CDC14B: variants seen among roughly 807,000 people sequenced by gnomAD.
The protein encoded by CDC14B is dual specificity protein phosphatase CDC14B.
A neutral mutation model predicts 64.2 loss-of-function variants in CDC14B; 22 were observed. That is an observed-to-expected ratio of 0.34 (90% CI 0.24 to 0.49). CDC14B has a LOEUF of 0.49. CDC14B is among the 20% of genes least tolerant of loss of function. The pLI, the probability that CDC14B is intolerant of heterozygous loss-of-function variation, is 0.99. For missense variants in CDC14B, 498 were observed against 629.9 expected (o/e 0.79, Z 2.24); for synonymous variants, 191 against 215.8 (o/e 0.89, Z 1.01).
intron 11 of CDC14B, 128 bp from the exon 12 acceptor site, chr9:96,522,731 C>A: frequency 1.5e-6 from 1 of 651,062 alleles, no homozygotes. Context: ...TTTTCCCTTT[C>A]ACAATCAAGC....
At position 96,541,908 on chromosome 9, in the gene CDC14B, A is replaced by G; in HGVS notation, c.498-16T>C. On this transcript the variant is annotated splice_polypyrimidine_tract_variant and intron_variant, in intron 5 of 13. Transcript: ENST00000375241. ...GGCAGCATCTCTGAAACCCAAGAGT[A>G]ATAAAATGTAGATCAGTTAATTTTC... 2 of 1,585,914 alleles carry G rather than the reference A, an allele frequency of 1.3e-6. No homozygotes were observed. The highest frequency in any genetic ancestry group is 1.7e-6 in the Non-Finnish European group (2 of 1,157,934).
intron 13 of CDC14B, among the ~76,000 whole-genome samples, chr9:96,494,396 A>G (rs1352359099): frequency 6.6e-6 from 1 of 152,216 alleles, no homozygotes; most frequent in African/African-American, 2.4e-5. Flanking sequence ...GGTACTGCAC[A>G]CTGCAGCAGT....
chr9:96,563,496 C>T (rs529363406), intron 3 of CDC14B, among the ~76,000 whole-genome samples: 1 of 151,844 alleles, frequency 6.6e-6, no homozygotes, highest in South Asian at 2.1e-4. Flanking sequence ...ACTAAAAATA[C>T]AAAACTAGCT....
At chr9:96,603,581 A>G (rs1242489255) in intron 1 of CDC14B, among the ~76,000 whole-genome samples, 2 of 152,244 alleles carry the variant, frequency 1.3e-5, no homozygotes, top group East Asian at 3.8e-4. Flanking sequence ...GCCCACTGAC[A>G]TTCGAGAAAC....
At chr9:96,506,592 G>C (rs1055528331) in intron 13 of CDC14B, among the ~76,000 whole-genome samples, 11 of 152,210 alleles carry the variant, frequency 7.2e-5, no homozygotes, top group African/African-American at 2.4e-4. Context: ...CATCATCTCT[G>C]AAAGTCCATT....
At chr9:96,569,822 C>A (rs1005713946) in intron 1 of CDC14B, among the ~76,000 whole-genome samples, 4 of 152,138 alleles carry the variant, frequency 2.6e-5, no homozygotes, top group African/African-American at 9.7e-5. Flanking sequence ...CTCCTGACCT[C>A]AAGTGATCCA....
chr9:96,503,850 T>C (rs1306850919), intron 13 of CDC14B, 61 bp from the exon 14 acceptor site: 2 of 1,362,064 alleles, frequency 1.5e-6, no homozygotes, highest in African/African-American at 1.4e-5. Flanking sequence ...CAGGCAGTTA[T>C]CAAAGACAAG....
intron 1 of CDC14B, among the ~76,000 whole-genome samples, chr9:96,600,570 T>C (rs969147379): frequency 1.3e-5 from 2 of 152,020 alleles, no homozygotes; most frequent in Non-Finnish European, 2.9e-5. Flanking sequence ...TGGTGCGATC[T>C]TGGCTCACTG....
chr9:96,565,493 A>T lies in CDC14B; in HGVS notation c.161-10T>A. On this transcript the variant is annotated splice_polypyrimidine_tract_variant and intron_variant, in intron 1 of 13. Coordinates refer to ENST00000375241, the MANE Select transcript of CDC14B (RefSeq NM_033331.4). ...GCAAAACAAAGGCGATCTGAAATGG[A>T]AAAATTGCAATGTTCCTTCCTGGAG... is the stretch of plus-strand genomic sequence containing the variant. 1.3e-6 allele frequency: 2 copies of T among 1,568,708 alleles called. No homozygotes were observed. The highest frequency in any genetic ancestry group is 1.8e-6 in the Non-Finnish European group (2 of 1,138,714).
intron 5 of CDC14B, among the ~76,000 whole-genome samples, chr9:96,547,414 C>T (rs1841094945): frequency 6.6e-6 from 1 of 150,686 alleles, no homozygotes; most frequent in African/African-American, 2.4e-5. Flanking sequence ...TGCAGTGAGC[C>T]GAGATCACAC....
chr9:96,546,600 C>G (rs1400004500), intron 5 of CDC14B, among the ~76,000 whole-genome samples: 3 of 152,058 alleles, frequency 2.0e-5, no homozygotes, highest in Non-Finnish European at 4.4e-5. Flanking sequence ...CAGGTGTGCA[C>G]CACCATGCCC....
chr9:96,557,810 C>G (rs1842679026), intron 4 of CDC14B, among the ~76,000 whole-genome samples: 1 of 152,152 alleles, frequency 6.6e-6, no homozygotes, highest in African/African-American at 2.4e-5. Flanking sequence ...ATTAGCTCTA[C>G]CAAAGTAATC....
At chr9:96,507,985 C>T (rs965537329) in intron 13 of CDC14B, among the ~76,000 whole-genome samples, 6 of 151,850 alleles carry the variant, frequency 4.0e-5, no homozygotes, top group African/African-American at 1.2e-4. Context: ...AGTATACTTA[C>T]GCTTACAAAA....
chr9:96,559,226 T>G (rs1842859604), intron 4 of CDC14B, among the ~76,000 whole-genome samples: 1 of 152,238 alleles, frequency 6.6e-6, no homozygotes, highest in African/African-American at 2.4e-5. Flanking sequence ...TAGGTCTTTC[T>G]GTGTATACAA....
chr9:96,495,010 A>G (rs1485127266), intron 13 of CDC14B, among the ~76,000 whole-genome samples: 1 of 150,768 alleles, frequency 6.6e-6, no homozygotes, highest in Non-Finnish European at 1.5e-5. Context: ...AATTTTTTGT[A>G]TTTTTAGTAG....
intron 12 of CDC14B, among the ~76,000 whole-genome samples, chr9:96,511,799 A>C (rs113097217): frequency 7.7e-4 from 118 of 152,318 alleles, no homozygotes; most frequent in Middle Eastern, 3.4e-3. Flanking sequence ...GTTCTAACAA[A>C]ATAGAAAAAG....
At position 96,568,646 on chromosome 9, in the gene CDC14B, C is replaced by T. The variant is rs541427973; in HGVS notation, c.161-3163G>A. 4.6e-5 allele frequency among the ~76,000 whole-genome samples: 7 copies of T among 152,146 alleles called. No individual in the cohort carries two copies. The South Asian group carries it at 6.2e-4, about 14-fold the overall frequency. Reference sequence around the variant, plus strand: ...AAAACTGAAAACTAGACAGACGTGGCGGCTCATGCCTGTAATCACAGCATT... The same window carrying T: ...AAAACTGAAAACTAGACAGACGTGGTGGCTCATGCCTGTAATCACAGCATT... On this transcript the variant is annotated intron_variant, in intron 1 of 13. Transcript: ENST00000375241.
rs764234112 is a variant in CDC14B at position 96,562,751 on chromosome 9, A to G, written c.362T>C (p.Phe121Ser). ...TTGTTTTCTCTGATCAGAGCCAGTA[A>G]AATGAACAATTTTCTTCCTTAACAT... ...ITMLRKKIVH[F>S]TGSDQRKQAN... The change falls in exon 4 of 14, where the codon TTT becomes TCT. Residue 121 changes from phenylalanine (F) to serine (S), a missense_variant. Coordinates refer to ENST00000375241, the MANE Select transcript of CDC14B (RefSeq NM_033331.4). 2 of 1,610,978 alleles carry G rather than the reference A, an allele frequency of 1.2e-6. No individual in the cohort carries two copies. Among genetic ancestry groups the G allele is most frequent in the Non-Finnish European group, 1.7e-6 (2 of 1,177,178 alleles).
intron 12 of CDC14B, among the ~76,000 whole-genome samples, chr9:96,518,943 TG>T (rs1196658747): frequency 6.6e-6 from 1 of 152,056 alleles, no homozygotes; most frequent in Non-Finnish European, 1.5e-5. Flanking sequence ...GAGACCATCC[TG>T]GCTAACACAG....
Sources: allele counts gnomAD v4.1 joint callset (sites outside exome capture counted in the v4.1 genomes callset), GRCh38; gene constraint gnomAD v4.1.1; transcripts MANE v1.5; gene names NCBI Gene and HGNC (gene_info 2026-07-23, HGNC 2026-07-21).